The following DLGAP1 variants were observed in gnomAD, a reference collection of about 807,000 sequenced individuals.
DLGAP1 encodes DLG associated protein 1, also known as disks large-associated protein 1.
In DLGAP1, 11 loss-of-function variants were observed where a neutral mutation model predicts 90.8. The ratio of observed to expected loss-of-function variants is 0.12; its 90% CI spans 0.08 to 0.20. The LOEUF (loss-of-function observed/expected upper bound fraction) is 0.20. DLGAP1 is among the 10% of genes least tolerant of loss of function. DLGAP1 has a pLI of 1.00. For missense variants in DLGAP1, 1,050 were observed against 1,333.8 expected (o/e 0.79, Z 3.31); for synonymous variants, 558 against 540.7 (o/e 1.03, Z -0.44).
At chr18:3,910,938 C>T (rs1018366207) in intron 3 of DLGAP1, among the ~76,000 whole-genome samples, 1 of 152,138 alleles carries the variant, frequency 6.6e-6, no homozygotes, top group Non-Finnish European at 1.5e-5. Context: ...AGGATCATTG[C>T]TTGCTGGGAA....
intron 2 of DLGAP1, among the ~76,000 whole-genome samples, chr18:4,101,849 T>C (rs1320797262): frequency 1.3e-5 from 2 of 151,906 alleles, no homozygotes; most frequent in African/African-American, 4.8e-5. Flanking sequence ...TAAATCCATA[T>C]GCATTTGTAC....
chr18:3,729,332 T>C lies in DLGAP1; in HGVS notation c.1394A>G (p.Glu465Gly). ...CGACTCCAGCTCGCTGAACACGGAC[T>C]CGCACACGGACTCGAACTGCCCGTT... ...EVNGQFESVCESVFSELESQA... is the reference protein window; with the variant it reads ...EVNGQFESVCGSVFSELESQA... The change falls in exon 7 of 13, where the codon GAG (glutamate) becomes GGG (glycine). Residue 465 changes from glutamate to glycine, a missense_variant. By Grantham distance (98) the Glu-to-Gly change is moderately conservative (BLOSUM62 -2). Around this residue, in one of 2 missense-constraint regions of DLGAP1, gnomAD observed 565 missense variants for 879.7 expected, o/e 0.64. Transcript: ENST00000315677. The surrounding 1 kb of genome is among the most constrained non-coding windows in gnomAD (Gnocchi z 6.2). The C allele has an allele frequency of 6.2e-7, 1 of 1,613,972 alleles. No homozygotes were observed. The highest frequency in any genetic ancestry group is 8.5e-7 in the Non-Finnish European group (1 of 1,179,874).
chr18:3,542,473 G>A (rs114389037), intron 9 of DLGAP1, among the ~76,000 whole-genome samples: 76 of 152,284 alleles, frequency 5.0e-4, no homozygotes, highest in African/African-American at 1.6e-3. Context: ...AAGAGTTCTC[G>A]CAGCAACACT....
At chr18:3,509,025 C>G (rs2086097790) in intron 10 of DLGAP1, among the ~76,000 whole-genome samples, 1 of 150,308 alleles carries the variant, frequency 6.7e-6, no homozygotes. Context: ...GGATGAATTT[C>G]AAGTGTTTAC....
At chr18:4,420,089 G>C (rs1362297762) in intron 1 of DLGAP1, among the ~76,000 whole-genome samples, 2 of 152,140 alleles carry the variant, frequency 1.3e-5, no homozygotes, top group East Asian at 1.9e-4. Context: ...AATATTATCA[G>C]TGATAAATAA....
rs1488170494 is a variant in DLGAP1, at chr18:3,711,152, T to A, written c.1591+17983A>T. On this transcript the variant is annotated intron_variant, in intron 7 of 12. Coordinates refer to ENST00000315677, the MANE Select transcript of DLGAP1 (RefSeq NM_004746.4). This position sits in a 1 kb window ranked among gnomAD's most constrained non-coding sequence, Gnocchi z 4.0. ...AAACACGATGATCTCAGCCACAGAG[T>A]GTAAGAGGGCAGCACAAAGGGAAGT... Among the ~76,000 whole-genome samples, 1 of 152,000 alleles carries A rather than the reference T, an allele frequency of 6.6e-6. No homozygotes were observed. Among genetic ancestry groups the A allele is most frequent in the Non-Finnish European group, 1.5e-5 (1 of 68,012 alleles).
intron 1 of DLGAP1, among the ~76,000 whole-genome samples, chr18:4,180,767 T>C (rs528311470): frequency 2.3e-4 from 19 of 83,404 alleles, no homozygotes; most frequent in Admixed American, 2.2e-3. Context: ...TTTTATCATA[T>C]GCTCAGAGGT....
chr18:3,584,271 C>G (rs1287852312), intron 7 of DLGAP1, among the ~76,000 whole-genome samples: 1 of 150,782 alleles, frequency 6.6e-6, no homozygotes, highest in Non-Finnish European at 1.5e-5. Flanking sequence ...CCCACCCCAG[C>G]CCACCCACTC....
chr18:3,980,325 G>A (rs2073698833), intron 3 of DLGAP1, among the ~76,000 whole-genome samples: 1 of 152,092 alleles, frequency 6.6e-6, no homozygotes, highest in South Asian at 2.1e-4. Flanking sequence ...CAGGACCTGG[G>A]AGGAGCAGCC....
chr18:3,967,715 A>G (rs190131032), intron 3 of DLGAP1, among the ~76,000 whole-genome samples: 2 of 152,266 alleles, frequency 1.3e-5, no homozygotes, highest in Admixed American at 6.5e-5. Context: ...ATACTTGGTT[A>G]TTTTGTCTTA....
chr18:4,089,857 A>G (rs571771814), intron 2 of DLGAP1, among the ~76,000 whole-genome samples: 15 of 152,298 alleles, frequency 9.8e-5, no homozygotes, highest in East Asian at 5.8e-4. Context: ...CATCCTGGCT[A>G]ACACGGTGAA....
At chr18:4,392,512 GT>G (rs1181363340) in intron 1 of DLGAP1, among the ~76,000 whole-genome samples, 2 of 152,124 alleles carry the variant, frequency 1.3e-5, no homozygotes, top group Non-Finnish European at 2.9e-5. Flanking sequence ...TTGATCTTGT[GT>G]CATAACACAC....
intron 6 of DLGAP1, among the ~76,000 whole-genome samples, chr18:3,730,097 A>G (rs2062365471): frequency 6.6e-6 from 1 of 152,202 alleles, no homozygotes; most frequent in South Asian, 2.1e-4. Context: ...CTTTATAAAA[A>G]GCCCATATGG....
chr18:4,133,074 C>T lies in DLGAP1; in HGVS notation c.-159+18106G>A, dbSNP rs996014016. Among the ~76,000 whole-genome samples the T allele has an allele frequency of 1.6e-4, 24 of 152,260 alleles. 1 individual carries two copies. The highest frequency in any genetic ancestry group is 1.2e-3 in the South Asian group (6 of 4,816). On this transcript the variant is annotated intron_variant, in intron 2 of 12. Transcript: ENST00000315677. ...AGATTTTGTGAGAATCACTGCACAACGGGCTGCAACATGACAGGCTTGCAA... is the reference window on the plus strand; with the variant it reads ...AGATTTTGTGAGAATCACTGCACAATGGGCTGCAACATGACAGGCTTGCAA...
chr18:3,935,638 A>C (rs1053594041), intron 3 of DLGAP1, among the ~76,000 whole-genome samples: 6 of 152,214 alleles, frequency 3.9e-5, no homozygotes, highest in African/African-American at 1.4e-4. Flanking sequence ...TTGCAAAGTG[A>C]TGATAAAGAT....
chr18:3,667,733 C>T (rs2059933030), intron 7 of DLGAP1, among the ~76,000 whole-genome samples: 1 of 152,140 alleles, frequency 6.6e-6, no homozygotes, highest in African/African-American at 2.4e-5. Context: ...CTGAGAGGGT[C>T]CATTCTTGTC....
intron 1 of DLGAP1, among the ~76,000 whole-genome samples, chr18:4,359,641 G>A (rs555168298): frequency 2.5e-4 from 38 of 152,254 alleles, no homozygotes; most frequent in African/African-American, 8.9e-4. Flanking sequence ...CCTAGCAATT[G>A]GTGGGGAAAA....
At chr18:3,741,058 T>TCACCAC (rs1430015496) in intron 6 of DLGAP1, among the ~76,000 whole-genome samples, 5 of 25,908 alleles carry the variant, frequency 1.9e-4, no homozygotes, top group South Asian at 1.2e-3. Context: ...ACCACCACCA[T>TCACCAC]CACCACCACC....
chr18:3,821,309 A>G (rs989089959), intron 4 of DLGAP1, among the ~76,000 whole-genome samples: 2 of 148,804 alleles, frequency 1.3e-5, no homozygotes, highest in African/African-American at 5.2e-5. Context: ...AAAAAAAAAA[A>G]AAAAGATGAA....
Sources: allele counts gnomAD v4.1 joint callset (sites outside exome capture counted in the v4.1 genomes callset), GRCh38; gene constraint gnomAD v4.1.1; regional missense constraint gnomAD v4.1.1; non-coding constraint Gnocchi (gnomAD v3.1); transcripts MANE v1.5; gene names NCBI Gene and HGNC (gene_info 2026-07-23, HGNC 2026-07-21).